TUBGCP4: variants seen among roughly 807,000 people sequenced by gnomAD.
The protein encoded by TUBGCP4 is tubulin gamma complex component 4.
Under a neutral mutation model 91.6 loss-of-function variants are expected in TUBGCP4, and 54 were observed. That is an observed-to-expected ratio of 0.59 (90% CI 0.47 to 0.74). TUBGCP4 has a LOEUF of 0.74. Among genes scored for constraint, TUBGCP4 ranks in the 30% least tolerant of loss-of-function variants. The probability of loss-of-function intolerance (pLI) is 0.00; values close to 1 mark genes in which losing one functional copy is unlikely to be tolerated. For missense variants in TUBGCP4, 593 were observed against 800.9 expected (o/e 0.74, Z 3.13); for synonymous variants, 297 against 302.8 (o/e 0.98, Z 0.20).
Position 43,406,665 on chromosome 15 carries a change from G to T in TUBGCP4, c.*1451G>T, listed in dbSNP as rs2044901353. On this transcript the variant is annotated 3_prime_UTR_variant, in exon 18 of 18. Coordinates refer to ENST00000564079, the MANE Select transcript of TUBGCP4 (RefSeq NM_014444.5). ...CCATGCAGGGATCAGTGATGCCAGAGGAAGGGAAGGAACTGCTTCCAGCTA... is the reference window on the plus strand; with the variant it reads ...CCATGCAGGGATCAGTGATGCCAGATGAAGGGAAGGAACTGCTTCCAGCTA... 2.2e-6 allele frequency: 1 copy of T among 452,216 alleles called. No homozygotes were observed. The highest frequency in any genetic ancestry group is 2.4e-5 in the Admixed American group (1 of 41,660). 28.0% of individuals were successfully genotyped at this position (452,216 alleles called of 1,614,324 possible). A position where few individuals can be genotyped will look rare whatever the true frequency, so the allele number is the denominator to read the frequency against.
Position 43,381,797 on chromosome 15 carries a change from T to C in TUBGCP4, c.522-1506T>C, listed in dbSNP as rs147885147. Among the ~76,000 whole-genome samples, 17 of 152,242 alleles carry C rather than the reference T, an allele frequency of 1.1e-4. No individual in the cohort carries two copies. The East Asian group carries it at 3.3e-3, about 29-fold the overall frequency. On this transcript the variant is annotated intron_variant, in intron 6 of 17. Coordinates refer to ENST00000564079, the MANE Select transcript of TUBGCP4 (RefSeq NM_014444.5). ...CCTTTAGTTTCACCATTTGTTAACA[T>C]TTGCCACGTTTGATTTCTCTTTTTC... is the stretch of plus-strand genomic sequence containing the variant.
intron 7 of TUBGCP4, chr15:43,385,519 TG>T (rs1291375716): frequency 4.0e-6 from 2 of 502,984 alleles, no homozygotes. Context: ...GTAAGGAAGC[TG>T]GTCGACTGTG....
chr15:43,390,901 C>T (rs569774937), intron 9 of TUBGCP4, among the ~76,000 whole-genome samples: 2 of 152,188 alleles, frequency 1.3e-5, no homozygotes, highest in South Asian at 2.1e-4. Flanking sequence ...CACTGCAGCG[C>T]GATCTCCAGG....
chr15:43,398,339 A>T, intron 13 of TUBGCP4, 160 bp downstream of exon 13: 1 of 679,530 alleles, frequency 1.5e-6, no homozygotes, highest in Non-Finnish European at 2.3e-6. Context: ...TAAGCCCAGG[A>T]TTTCAAATCC....
chr15:43,403,519 G>A (rs2044746243), intron 15 of TUBGCP4, 164 bp from the exon 16 acceptor site: 4 of 587,240 alleles, frequency 6.8e-6, no homozygotes, highest in African/African-American at 1.9e-5. Context: ...CATTTTGTGC[G>A]TCTGAGGGGC....
intron 5 of TUBGCP4, 89 bp from the exon 6 acceptor site, chr15:43,379,995 G>T: frequency 8.0e-7 from 1 of 1,252,128 alleles, no homozygotes; most frequent in South Asian, 1.2e-5. Context: ...CTCCTAGATT[G>T]TGCCCTCTTG....
intron 5 of TUBGCP4, 46 bp from the exon 6 acceptor site, chr15:43,380,038 G>T (rs778611954): frequency 1.9e-6 from 3 of 1,573,832 alleles, no homozygotes; most frequent in South Asian, 1.1e-5. Flanking sequence ...GTCTTGCATG[G>T]ACTCTTAGAA....
At chr15:43,394,727 C>G (rs1040319488) in intron 9 of TUBGCP4, 12 of 230,182 alleles carry the variant, frequency 5.2e-5, no homozygotes, top group Non-Finnish European at 9.4e-5. Context: ...CTCATGAGAT[C>G]TGGCTGTTTA....
In TUBGCP4 at chr15:43,408,643, C is replaced by T. The variant is rs1395853036; in HGVS notation, c.*3429C>T. On this transcript the variant is annotated 3_prime_UTR_variant, in exon 18 of 18. Coordinates refer to ENST00000564079, the MANE Select transcript of TUBGCP4 (RefSeq NM_014444.5). ...ATATATTTTTAATGCTTGCTTAAAA[C>T]TTAGTTCTCTGACTTTACAGGTTGA... 2 of 473,412 alleles carry T rather than the reference C, an allele frequency of 4.2e-6. No individual in the cohort carries two copies. Among genetic ancestry groups the T allele is most frequent in the East Asian group, 7.4e-5 (2 of 26,970 alleles). The allele number at this position is 473,412 out of a possible 1,614,324, so 29.3% of individuals were successfully genotyped here.
chr15:43,409,641 C>A lies in TUBGCP4; in HGVS notation c.*4427C>A. On this transcript the variant is annotated 3_prime_UTR_variant, in exon 18 of 18. Coordinates refer to ENST00000564079, the MANE Select transcript of TUBGCP4 (RefSeq NM_014444.5). Reference sequence around the variant, plus strand: ...CTATATTAGGTTACACAAAGAAACTCCTCACCTGGGCTTCATTGAAATCTT... The same window carrying A: ...CTATATTAGGTTACACAAAGAAACTACTCACCTGGGCTTCATTGAAATCTT... 1 of 1,508,244 alleles carries A rather than the reference C, an allele frequency of 6.6e-7. No individual in the cohort carries two copies. Among genetic ancestry groups the A allele is most frequent in the Non-Finnish European group, 8.9e-7 (1 of 1,117,490 alleles). 93.4% of individuals were successfully genotyped at this position (1,508,244 alleles called of 1,614,324 possible). A position where few individuals can be genotyped will look rare whatever the true frequency, so the allele number is the denominator to read the frequency against.
At position 43,400,173 on chromosome 15, in the gene TUBGCP4, A is replaced by G. The variant is rs769322888; in HGVS notation, c.1548A>G (p.Leu516=). The part of the protein sequence containing the change: ...SNQTDAIKWR[L]RNHMAFLVDN... ...AGACTGATGCAATCAAGTGGCGCCT[A>G]AGAAATCACATGGCATTTTTGGTGG... Residue 516 remains leucine, a synonymous_variant, in exon 14 of 18, where the codon CTA becomes CTG. Coordinates refer to ENST00000564079, the MANE Select transcript of TUBGCP4 (RefSeq NM_014444.5). 21 of 1,614,078 alleles carry G rather than the reference A, an allele frequency of 1.3e-5. No individual in the cohort carries two copies. Among genetic ancestry groups the G allele is most frequent in the Non-Finnish European group, 1.6e-5 (19 of 1,180,036 alleles).
At chr15:43,372,989 GAAGAA>G (rs1311564701) in intron 1 of TUBGCP4, among the ~76,000 whole-genome samples, 1 of 152,196 alleles carries the variant, frequency 6.6e-6, no homozygotes, top group Non-Finnish European at 1.5e-5. Context: ...GGTATTGATG[GAAGAA>G]AAGAAGACAA....
rs1360186683 is a variant in TUBGCP4 at position 43,408,291 on chromosome 15, A to G, written c.*3077A>G. 1 of 533,230 alleles carries G rather than the reference A, an allele frequency of 1.9e-6. No homozygotes were observed. The highest frequency in any genetic ancestry group is 3.3e-6 in the Non-Finnish European group (1 of 299,852). 33.0% of individuals were successfully genotyped at this position (533,230 alleles called of 1,614,324 possible). ...CTGGGAGTTCGAGACCAGCCTGGGC[A>G]ATGTGGTGAGACCCCATCTCTACAA... On this transcript the variant is annotated 3_prime_UTR_variant, in exon 18 of 18. Transcript: ENST00000564079.
At chr15:43,377,611 CAAAAAA>C in intron 4 of TUBGCP4, 23 of 257,256 alleles carry the variant, frequency 8.9e-5, no homozygotes, top group South Asian at 2.3e-4. Flanking sequence ...GACCCTGTCT[CAAAAAA>C]AAAAAAAAAA....
chr15:43,377,821 C>G (rs751660996), intron 4 of TUBGCP4, 26 bp from the exon 5 acceptor site: 24 of 1,561,352 alleles, frequency 1.5e-5, no homozygotes, highest in Middle Eastern at 3.4e-4. Context: ...GATTACATAC[C>G]CTTCTAATTA....
chr15:43,396,144 G>C (rs531595444), intron 11 of TUBGCP4, among the ~76,000 whole-genome samples: 1 of 152,286 alleles, frequency 6.6e-6, no homozygotes, highest in South Asian at 2.1e-4. Context: ...ACCACATCTT[G>C]TTTGTGTCTC....
At chr15:43,397,161 G>A in intron 11 of TUBGCP4, 53 bp from the exon 12 acceptor site, 1 of 1,326,324 alleles carries the variant, frequency 7.5e-7, no homozygotes, top group Admixed American at 1.7e-5. Flanking sequence ...GGAGGAGTCT[G>A]GGTTTGTTAT....
At chr15:43,390,090 C>G (rs1408432424) in intron 9 of TUBGCP4, among the ~76,000 whole-genome samples, 3 of 152,062 alleles carry the variant, frequency 2.0e-5, no homozygotes, top group Non-Finnish European at 4.4e-5. Context: ...ACAGCCAAAT[C>G]ATGTCACTAT....
chr15:43,377,124 T>C (rs1170508793), intron 4 of TUBGCP4, 57 bp downstream of exon 4: 1 of 1,401,152 alleles, frequency 7.1e-7, no homozygotes, highest in Non-Finnish European at 1.0e-6. Flanking sequence ...TAGAATAATC[T>C]AATTTATGGT....
Sources: gnomAD v4.1 joint callset for allele counts (sites outside exome capture counted in the v4.1 genomes callset) on GRCh38, gnomAD v4.1.1 for gene constraint, MANE v1.5 for transcripts, NCBI Gene and HGNC (gene_info 2026-07-23, HGNC 2026-07-21) for gene names.